Variants in MAGI2 observed in about 807,000 individuals in gnomAD.
The protein encoded by MAGI2 is membrane associated guanylate kinase, WW and PDZ domain containing 2, also known as membrane-associated guanylate kinase, WW and PDZ domain-containing protein 2.
In MAGI2, 35 loss-of-function variants were observed where a neutral mutation model predicts 133.3. The ratio of observed to expected loss-of-function variants is 0.26; its 90% CI spans 0.20 to 0.35. The LOEUF is 0.35. Ranked by LOEUF, MAGI2 falls within the 10% of genes least tolerant of loss-of-function variation. The pLI is 1.00. For missense variants in MAGI2, 1,636 were observed against 1,863.4 expected (o/e 0.88, Z 2.25); for synonymous variants, 729 against 710.6 (o/e 1.03, Z -0.41).
chr7:79,192,036 C>T (rs1350063500), intron 1 of MAGI2, among the ~76,000 whole-genome samples: 7 of 151,704 alleles, frequency 4.6e-5, no homozygotes, highest in African/African-American at 1.7e-4. Context: ...TTTGCATGTA[C>T]ATAGAAATAT....
At chr7:78,084,246 C>T (rs867994925) in intron 20 of MAGI2, among the ~76,000 whole-genome samples, 12 of 152,142 alleles carry the variant, frequency 7.9e-5, no homozygotes, top group African/African-American at 1.4e-4. Context: ...TAGCTATGGA[C>T]GATTTTTGTG....
At chr7:78,682,380 C>A (rs116989988) in intron 2 of MAGI2, among the ~76,000 whole-genome samples, 1 of 152,042 alleles carries the variant, frequency 6.6e-6, no homozygotes, top group Non-Finnish European at 1.5e-5. Context: ...CCTTGCCCCC[C>A]ACCCACCAGC....
In MAGI2 at chr7:79,260,598, A is replaced by C. The variant is rs138704266; in HGVS notation, c.301+192422T>G. Among the ~76,000 whole-genome samples the C allele has an allele frequency of 3.9e-4, 59 of 152,270 alleles. No individual in the cohort carries two copies. The East Asian group carries it at 0.011, about 28-fold the overall frequency. On this transcript the variant is annotated intron_variant, in intron 1 of 21. Coordinates refer to ENST00000354212, the MANE Select transcript of MAGI2 (RefSeq NM_012301.4). ...AAATTCCAAAATACTCAAAAATCCAAAAATTTATGAACATTGACATGATGC... is the reference window on the plus strand; with the variant it reads ...AAATTCCAAAATACTCAAAAATCCACAAATTTATGAACATTGACATGATGC...
rs1796493933 is a variant in MAGI2, at chr7:78,521,438, A to T, written c.746T>A (p.Val249Glu). The T allele has an allele frequency of 6.2e-7, 1 of 1,613,436 alleles. No individual in the cohort carries two copies. The highest frequency in any genetic ancestry group is 1.3e-5 in the African/African-American group (1 of 75,038). Residue 249 changes from valine (V) to glutamate (E), a missense_variant, in exon 4 of 22, where the codon GTA (valine) becomes GAA (glutamate). This residue lies in a region of MAGI2 where 165 missense variants were observed against 128.4 expected (regional missense o/e 1.28). Transcript: ENST00000354212. Reference protein sequence around the residue: ...RPVVNGNGVVVTPESSEHEDK... With the variant: ...RPVVNGNGVVETPESSEHEDK... ...AAATGTAAATGACTAACCTGGTGTT[A>T]CTACTACTCCATTTCCATTGACCAC...
intron 4 of MAGI2, among the ~76,000 whole-genome samples, chr7:78,510,525 G>A (rs1795474784): frequency 6.6e-6 from 1 of 152,060 alleles, no homozygotes; most frequent in African/African-American, 2.4e-5. Flanking sequence ...AAAAGGTATG[G>A]TCAATTTTCT....
intron 2 of MAGI2, among the ~76,000 whole-genome samples, chr7:78,708,250 GAAAACCATTCCT>G (rs1818844006): frequency 1.3e-5 from 2 of 152,246 alleles, no homozygotes; most frequent in South Asian, 4.1e-4. Flanking sequence ...TGAAAAGACT[GAAAACCATTCCT>G]AAAACTCAGA....
chr7:78,329,872 G>T (rs1562833563), intron 9 of MAGI2, among the ~76,000 whole-genome samples: 1 of 152,182 alleles, frequency 6.6e-6, no homozygotes, highest in Non-Finnish European at 1.5e-5. Context: ...TATTTCAGCT[G>T]CCAGTCTGCC....
intron 2 of MAGI2, among the ~76,000 whole-genome samples, chr7:78,663,752 A>C (rs1813238301): frequency 1.3e-5 from 2 of 152,216 alleles, no homozygotes; most frequent in South Asian, 4.1e-4. Flanking sequence ...TTAAATATAG[A>C]AAGAAATAGC....
At chr7:78,833,978 T>TTAAAGG (rs1563560017) in intron 2 of MAGI2, among the ~76,000 whole-genome samples, 1 of 152,042 alleles carries the variant, frequency 6.6e-6, no homozygotes, top group Non-Finnish European at 1.5e-5. Flanking sequence ...AACGTGAAAG[T>TTAAAGG]CATTATTATG....
chr7:78,620,754 G>T (rs962106755), intron 3 of MAGI2, among the ~76,000 whole-genome samples: 1 of 151,764 alleles, frequency 6.6e-6, no homozygotes, highest in African/African-American at 2.4e-5. Flanking sequence ...ATTACAATTG[G>T]GCTTATGTCC....
At chr7:78,296,346 T>C (rs142190018) in intron 9 of MAGI2, among the ~76,000 whole-genome samples, 182 of 152,292 alleles carry the variant, frequency 1.2e-3, no homozygotes, top group African/African-American at 4.2e-3. Context: ...AAGCATATCC[T>C]TAGGCCTCTG....
intron 2 of MAGI2, chr7:78,947,053 T>G (rs1475177045): frequency 3.9e-5 from 6 of 152,142 alleles, no homozygotes; most frequent in African/African-American, 1.4e-4. Context: ...AATTCTGGCC[T>G]GAATTATGTT....
At chr7:78,061,541 A>G (rs148242464) in intron 21 of MAGI2, among the ~76,000 whole-genome samples, 53 of 152,200 alleles carry the variant, frequency 3.5e-4, no homozygotes, top group African/African-American at 1.3e-3. Context: ...AAGAGGAGGA[A>G]TATTTTGGGA....
intron 9 of MAGI2, among the ~76,000 whole-genome samples, chr7:78,332,734 G>A (rs1169096895): frequency 6.7e-6 from 1 of 148,804 alleles, no homozygotes; most frequent in Non-Finnish European, 1.5e-5. Context: ...GTAGTGGCTA[G>A]AAAGTGTTCA....
chr7:78,098,391 G>C (rs543231509), intron 20 of MAGI2, among the ~76,000 whole-genome samples: 1 of 152,086 alleles, frequency 6.6e-6, no homozygotes, highest in Admixed American at 6.5e-5. Context: ...TCAACATTAC[G>C]TTGTTGCAAT....
At chr7:79,365,460 AC>A (rs1408540167) in intron 1 of MAGI2, among the ~76,000 whole-genome samples, 1 of 152,186 alleles carries the variant, frequency 6.6e-6, no homozygotes, top group East Asian at 1.9e-4. Flanking sequence ...ATATCCCCAA[AC>A]TGAAATCAGC....
In MAGI2 at chr7:78,925,086, T is replaced by C. The variant is rs139583531; in HGVS notation, c.418+82004A>G. On this transcript the variant is annotated intron_variant, in intron 2 of 21. Coordinates refer to ENST00000354212, the MANE Select transcript of MAGI2 (RefSeq NM_012301.4). ...GCCAGGGGTCAAGTCTCAAATTTCA[T>C]GTCTGGATTGAACACATTTTTATTT... Among the ~76,000 whole-genome samples the C allele has an allele frequency of 1.2e-4, 18 of 152,104 alleles. No individual in the cohort carries two copies. The East Asian group carries it at 3.5e-3, about 30-fold the overall frequency.
At chr7:79,105,871 C>A (rs1055754177) in intron 1 of MAGI2, among the ~76,000 whole-genome samples, 4 of 151,788 alleles carry the variant, frequency 2.6e-5, no homozygotes, top group Admixed American at 6.6e-5. Context: ...ATTAAGCAGA[C>A]TTTCAGAGTC....
At chr7:78,843,431 A>G (rs975839844) in intron 2 of MAGI2, among the ~76,000 whole-genome samples, 9 of 151,880 alleles carry the variant, frequency 5.9e-5, no homozygotes, top group Admixed American at 2.0e-4. Flanking sequence ...GTCTGTCTTG[A>G]TAACAGCATG....
Sources: gnomAD v4.1 joint callset for allele counts (sites outside exome capture counted in the v4.1 genomes callset) on GRCh38, gnomAD v4.1.1 for gene constraint, gnomAD v4.1.1 regional missense constraint, MANE v1.5 for transcripts, NCBI Gene and HGNC (gene_info 2026-07-23, HGNC 2026-07-21) for gene names.